The following CTXN2 variants were observed in gnomAD, a reference collection of about 807,000 sequenced individuals.
CTXN2 encodes the protein cortexin-2.
A neutral mutation model predicts 5.7 loss-of-function variants in CTXN2; 3 were observed. The observed-to-expected ratio is 0.53, with a 90% CI of 0.24 to 1.36. CTXN2 has a LOEUF of 1.36. Ranked by LOEUF, CTXN2 falls within the 40% of genes most tolerant of loss-of-function variation. CTXN2 has a pLI of 0.17. For missense variants in CTXN2, 87 were observed against 93.0 expected (o/e 0.94, Z 0.26); for synonymous variants, 38 against 36.4 (o/e 1.04, Z -0.16).
intron 1 of CTXN2, among the ~76,000 whole-genome samples, chr15:48,199,459 G>C (rs1406104488): frequency 1.3e-5 from 2 of 152,132 alleles, no homozygotes; most frequent in Admixed American, 1.3e-4. Context: ...GCAAGTTTAT[G>C]CTCTAGTAAA....
chr15:48,195,815 A>G (rs1176754122), intron 1 of CTXN2, among the ~76,000 whole-genome samples: 1 of 152,108 alleles, frequency 6.6e-6, no homozygotes, highest in Non-Finnish European at 1.5e-5. Flanking sequence ...AAAATATGTA[A>G]AGCAGTATTT....
chr15:48,178,490 A>G (rs1002618003), intron 1 of CTXN2: 109 of 423,062 alleles, frequency 2.6e-4, no homozygotes, highest in African/African-American at 2.2e-3. Context: ...TCGGCCCTAC[A>G]CCTGCCTGGG....
upstream of CTXN2, among the ~76,000 whole-genome samples, chr15:48,188,788 A>AT (rs1421315794): frequency 2.0e-5 from 3 of 152,108 alleles, no homozygotes; most frequent in Middle Eastern, 3.4e-3. Flanking sequence ...CCTTTCAGCA[A>AT]TTTTTTTTGT....
In CTXN2 at chr15:48,193,987, G is replaced by T. The variant is rs374905154; in HGVS notation, c.-58+2134G>T. On this transcript the variant is annotated intron_variant, in intron 1 of 1. Transcript: ENST00000417307. ...AAATTACTAAAACCATCTATTTGCT[G>T]AACACATTGTTAGGCAATTGCTTAA... 1.4e-4 allele frequency among the ~76,000 whole-genome samples: 22 copies of T among 152,194 alleles called. No individual in the cohort carries two copies. The East Asian group carries it at 1.9e-3, about 13-fold the overall frequency.
At chr15:48,190,067 C>G (rs1023310108), upstream of CTXN2, 4 of 152,262 alleles carry the variant, frequency 2.6e-5, no homozygotes, top group Non-Finnish European at 5.9e-5. Context: ...CCTCGGCCTC[C>G]CAAAGTGCTG....
At chr15:48,187,492 C>T (rs1173453640), upstream of CTXN2, among the ~76,000 whole-genome samples, 1 of 152,128 alleles carries the variant, frequency 6.6e-6, no homozygotes, top group East Asian at 1.9e-4. Context: ...AATAATCAAA[C>T]CTCAGCCAAA....
At chr15:48,189,450 G>A (rs1299143644), upstream of CTXN2, 2 of 152,190 alleles carry the variant, frequency 1.3e-5, no homozygotes, top group South Asian at 2.1e-4. Context: ...AATTATTGGA[G>A]TGGTGCTTAT....
intron 1 of CTXN2, among the ~76,000 whole-genome samples, chr15:48,197,105 T>C (rs2040887152): frequency 6.6e-6 from 1 of 151,912 alleles, no homozygotes; most frequent in Non-Finnish European, 1.5e-5. Context: ...TGTTGTTTGA[T>C]AGCATTAAAC....
At chr15:48,187,514 T>G (rs1409795169), upstream of CTXN2, among the ~76,000 whole-genome samples, 8 of 152,194 alleles carry the variant, frequency 5.3e-5, no homozygotes, top group African/African-American at 1.7e-4. Flanking sequence ...AAGACGTAGA[T>G]TTTCCTGAAA....
intron 1 of CTXN2, among the ~76,000 whole-genome samples, chr15:48,182,886 G>T (rs1182639192): frequency 2.0e-5 from 3 of 152,148 alleles, no homozygotes; most frequent in Non-Finnish European, 4.4e-5. Context: ...CATGGCCAAG[G>T]ATCCCTCTGA....
rs1208428504 is a variant in CTXN2 at position 48,191,728 on chromosome 15, G to A, written c.-183G>A. On this transcript the variant is annotated 5_prime_UTR_variant, in exon 1 of 2. Coordinates refer to ENST00000417307, the MANE Select transcript of CTXN2 (RefSeq NM_001145668.2). The stretch of plus-strand genomic sequence containing the variant: ...AGGAAAGCGCTAACCAGGGCCCTGT[G>A]ACTCTACGCAGGTTCCAGAACACGC... 4.4e-6 allele frequency: 2 copies of A among 456,044 alleles called. No homozygotes were observed. The highest frequency in any genetic ancestry group is 3.1e-5 in the South Asian group (2 of 64,554). 28.2% of individuals were successfully genotyped at this position (456,044 alleles called of 1,614,324 possible).
chr15:48,198,895 A>G (rs1312592209), intron 1 of CTXN2, among the ~76,000 whole-genome samples: 1 of 152,228 alleles, frequency 6.6e-6, no homozygotes, highest in African/African-American at 2.4e-5. Flanking sequence ...GAACTAGTTG[A>G]AAAATGAACA....
chr15:48,185,896 C>T (rs2040748339), intron 1 of CTXN2, among the ~76,000 whole-genome samples: 1 of 152,172 alleles, frequency 6.6e-6, no homozygotes, highest in Non-Finnish European at 1.5e-5. Flanking sequence ...GTAGTCAAAA[C>T]ATTAACGTAT....
chr15:48,199,862 T>C (rs1021468016), intron 1 of CTXN2, among the ~76,000 whole-genome samples: 5 of 152,162 alleles, frequency 3.3e-5, no homozygotes, highest in African/African-American at 1.2e-4. Flanking sequence ...GTTTGAACAA[T>C]ATTTTTTCCC....
intron 1 of CTXN2, among the ~76,000 whole-genome samples, chr15:48,194,214 A>ATTTT (rs11373642): frequency 2.0e-5 from 3 of 147,772 alleles, no homozygotes; most frequent in African/African-American, 4.9e-5. Context: ...TTCTCAACCC[A>ATTTT]TTTTTTTTTT....
upstream of CTXN2, among the ~76,000 whole-genome samples, chr15:48,187,915 TATAA>T (rs1248084456): frequency 2.0e-5 from 3 of 152,188 alleles, no homozygotes; most frequent in African/African-American, 7.2e-5. Flanking sequence ...TCTATAATTA[TATAA>T]ACTGAAAAAT....
At chr15:48,201,186 A>G in intron 1 of CTXN2, 58 bp from the exon 2 acceptor site, 1 of 1,067,638 alleles carries the variant, frequency 9.4e-7, no homozygotes, top group South Asian at 1.7e-5. Context: ...TTATTAAGCA[A>G]CAACCTACCC....
At chr15:48,196,999 C>T (rs534197378) in intron 1 of CTXN2, among the ~76,000 whole-genome samples, 33 of 137,224 alleles carry the variant, frequency 2.4e-4, no homozygotes, top group Non-Finnish European at 1.6e-4. Flanking sequence ...AAGTATTATC[C>T]GCTTACATTG....
At chr15:48,199,505 C>T (rs1482309445) in intron 1 of CTXN2, among the ~76,000 whole-genome samples, 1 of 152,178 alleles carries the variant, frequency 6.6e-6, no homozygotes, top group South Asian at 2.1e-4. Flanking sequence ...TGAATCATCT[C>T]CTTGGTCCAA....
Sources: allele counts gnomAD v4.1 joint callset (sites outside exome capture counted in the v4.1 genomes callset), GRCh38; gene constraint gnomAD v4.1.1; transcripts MANE v1.5; gene names NCBI Gene and HGNC (gene_info 2026-07-23, HGNC 2026-07-21).